Variants in ATXN1 observed in about 807,000 individuals in gnomAD.
The protein encoded by ATXN1 is ataxin 1, also known as ataxin-1.
In ATXN1, 8 loss-of-function variants were observed where a neutral mutation model predicts 56.4. The observed-to-expected ratio is 0.14, with a 90% CI of 0.08 to 0.26. ATXN1 has a LOEUF of 0.26. ATXN1 is among the 10% of genes least tolerant of loss of function. The pLI, the probability that ATXN1 is intolerant of heterozygous loss-of-function variation, is 1.00. For synonymous variants in ATXN1, 514 were observed against 494.6 expected (o/e 1.04, Z -0.52); for missense variants, 987 against 1,106.5 (o/e 0.89, Z 1.53).
chr6:16,493,349 C>T (rs1388728045), intron 5 of ATXN1, among the ~76,000 whole-genome samples: 3 of 152,078 alleles, frequency 2.0e-5, no homozygotes, highest in Non-Finnish European at 2.9e-5. Flanking sequence ...TTCTACTCCA[C>T]GTGTCAAAAT....
At chr6:16,635,808 G>A (rs575284982) in intron 3 of ATXN1, among the ~76,000 whole-genome samples, 9 of 152,342 alleles carry the variant, frequency 5.9e-5, no homozygotes, top group African/African-American at 1.9e-4. Context: ...AGTGGAGGAA[G>A]GCTGAGCAGG....
At chr6:16,483,039 G>A (rs553723206) in intron 6 of ATXN1, among the ~76,000 whole-genome samples, 38 of 152,250 alleles carry the variant, frequency 2.5e-4, no homozygotes, top group Non-Finnish European at 4.7e-4. Context: ...AGGACCCAAG[G>A]TTATATGGCT....
At chr6:16,603,580 G>A (rs1008902953) in intron 3 of ATXN1, among the ~76,000 whole-genome samples, 2 of 152,206 alleles carry the variant, frequency 1.3e-5, no homozygotes, top group Non-Finnish European at 2.9e-5. Flanking sequence ...GGGTGAGCTC[G>A]CCAAAAGCTA....
intron 5 of ATXN1, among the ~76,000 whole-genome samples, chr6:16,505,566 T>TA (rs1312506457): frequency 6.6e-6 from 1 of 152,062 alleles, no homozygotes; most frequent in Non-Finnish European, 1.5e-5. Flanking sequence ...CCCCTTGCAA[T>TA]AAAAAAGAAG....
chr6:16,395,737 G>T (rs1384693972), intron 6 of ATXN1, among the ~76,000 whole-genome samples: 1 of 152,052 alleles, frequency 6.6e-6, no homozygotes, highest in Non-Finnish European at 1.5e-5. Flanking sequence ...TTAACTGTAG[G>T]CCGGGCGCAG....
intron 7 of ATXN1, among the ~76,000 whole-genome samples, chr6:16,323,704 C>A (rs529979090): frequency 6.6e-6 from 1 of 152,096 alleles, no homozygotes. Context: ...ACACCTGCCT[C>A]TGTTCACAAA....
chr6:16,339,942 C>T (rs575980146), intron 6 of ATXN1, among the ~76,000 whole-genome samples: 2 of 152,250 alleles, frequency 1.3e-5, no homozygotes, highest in South Asian at 4.1e-4. Flanking sequence ...GCCACCATGC[C>T]CAGCTAATTT....
intron 2 of ATXN1, among the ~76,000 whole-genome samples, chr6:16,742,726 G>A (rs369989040): frequency 6.6e-6 from 1 of 152,148 alleles, no homozygotes; most frequent in Non-Finnish European, 1.5e-5. Flanking sequence ...TCACCCGGCC[G>A]GCCAACTCAA....
chr6:16,344,476 A>T (rs557008555), intron 6 of ATXN1, among the ~76,000 whole-genome samples: 1 of 152,364 alleles, frequency 6.6e-6, no homozygotes, highest in South Asian at 2.1e-4. Flanking sequence ...CTAGAATGAA[A>T]GCAGGCAGAA....
chr6:16,555,719 G>A (rs370741224), intron 4 of ATXN1, among the ~76,000 whole-genome samples: 11 of 152,226 alleles, frequency 7.2e-5, no homozygotes, highest in African/African-American at 2.2e-4. Flanking sequence ...ATTGTGTAGT[G>A]TGTCCCAAGC....
At chr6:16,650,120 C>T (rs1002925151) in intron 3 of ATXN1, among the ~76,000 whole-genome samples, 2 of 151,990 alleles carry the variant, frequency 1.3e-5, no homozygotes, top group East Asian at 1.9e-4. Context: ...TAGGCCTCAA[C>T]GAATGAGTGG....
chr6:16,742,356 T>C (rs1760369178), intron 2 of ATXN1, among the ~76,000 whole-genome samples: 1 of 152,056 alleles, frequency 6.6e-6, no homozygotes, highest in Non-Finnish European at 1.5e-5. Context: ...CCCAGGCAGC[T>C]CCAGAGGTGA....
chr6:16,341,130 G>C (rs74729778), intron 6 of ATXN1, among the ~76,000 whole-genome samples: 3,265 of 152,306 alleles, frequency 0.021, 116 homozygotes, highest in East Asian at 0.071. Flanking sequence ...TGGAGGAGTT[G>C]GCTCCCGCAC....
At chr6:16,589,185 C>T (rs559384876) in intron 3 of ATXN1, among the ~76,000 whole-genome samples, 1 of 152,074 alleles carries the variant, frequency 6.6e-6, no homozygotes, top group African/African-American at 2.4e-5. Context: ...CCTTTTCTCT[C>T]ATTTTTCTAC....
In ATXN1 at chr6:16,617,149, A is replaced by C. The variant is rs1421651673; in HGVS notation, c.-488-31242T>G. Among the ~76,000 whole-genome samples the C allele has an allele frequency of 2.6e-5, 4 of 152,302 alleles. No homozygotes were observed. In the East Asian group the frequency reaches 7.7e-4, roughly 29 times the overall value. ...CTACTGTATAAGGAAAATAAAGATT[A>C]AGTGCACAATTATAACCAACACTGT... On this transcript the variant is annotated intron_variant, in intron 3 of 7. Coordinates refer to ENST00000436367, the MANE Select transcript of ATXN1 (RefSeq NM_001128164.2).
At chr6:16,640,113 C>T (rs1010515681) in intron 3 of ATXN1, among the ~76,000 whole-genome samples, 2 of 152,122 alleles carry the variant, frequency 1.3e-5, no homozygotes, top group Non-Finnish European at 2.9e-5. Flanking sequence ...CAAGCAACTC[C>T]ACCAGCATCA....
At chr6:16,514,333 C>T (rs779183288) in intron 5 of ATXN1, among the ~76,000 whole-genome samples, 1 of 152,118 alleles carries the variant, frequency 6.6e-6, no homozygotes, top group Non-Finnish European at 1.5e-5. Flanking sequence ...TTTTACCAAC[C>T]GGCAAGACAT....
chr6:16,565,319 C>T (rs1762196975), intron 4 of ATXN1, among the ~76,000 whole-genome samples: 1 of 152,160 alleles, frequency 6.6e-6, no homozygotes, highest in African/African-American at 2.4e-5. Flanking sequence ...TAATAGGCCA[C>T]ATCATTTTGT....
intron 3 of ATXN1, among the ~76,000 whole-genome samples, chr6:16,608,482 A>T (rs1763050552): frequency 6.6e-6 from 1 of 152,228 alleles, no homozygotes; most frequent in Non-Finnish European, 1.5e-5. Context: ...TGACACTATT[A>T]TTCTTTGTTT....
Sources: gnomAD v4.1 joint callset for allele counts (sites outside exome capture counted in the v4.1 genomes callset) on GRCh38, gnomAD v4.1.1 for gene constraint, MANE v1.5 for transcripts, NCBI Gene and HGNC (gene_info 2026-07-23, HGNC 2026-07-21) for gene names.